HDLBP: variants seen among roughly 807,000 people sequenced by gnomAD.
The protein encoded by HDLBP is high density lipoprotein binding protein.
In HDLBP, 30 loss-of-function variants were observed where a neutral mutation model predicts 137.3. That is an observed-to-expected ratio of 0.22 (90% confidence interval 0.16 to 0.30). The LOEUF is 0.30. Among genes scored for constraint, HDLBP ranks in the 10% least tolerant of loss-of-function variants. The probability of loss-of-function intolerance (pLI) is 1.00; values close to 1 mark genes in which losing one functional copy is unlikely to be tolerated. For missense variants in HDLBP, 1,119 were observed against 1,667.3 expected (o/e 0.67, Z 5.73); for synonymous variants, 606 against 596.0 (o/e 1.02, Z -0.24).
In HDLBP at chr2:241,272,601, G is replaced by C. The variant is rs1190080769; in HGVS notation, c.-102-4060C>G. 5 of 982,466 alleles carry C rather than the reference G, an allele frequency of 5.1e-6. No homozygotes were observed. The highest frequency in any genetic ancestry group is 6.0e-6 in the Non-Finnish European group (5 of 828,314). The allele number at this position is 982,466 out of a possible 1,614,324, so 60.9% of individuals were successfully genotyped here. A position where few individuals can be genotyped will look rare whatever the true frequency, so the allele number is the denominator to read the frequency against. Reference sequence around the variant, plus strand: ...CGCGGTAAGCAGGACACCCGCGGGCGGGGGCCGCAGCCTGGGGCCCGGGTG... The same window carrying C: ...CGCGGTAAGCAGGACACCCGCGGGCCGGGGCCGCAGCCTGGGGCCCGGGTG... On this transcript the variant is annotated intron_variant, in intron 1 of 27. Coordinates refer to ENST00000310931, the MANE Select transcript of HDLBP (RefSeq NM_005336.6). The surrounding 1 kb of genome is among the most constrained non-coding windows in gnomAD (Gnocchi z 5.6).
intron 5 of HDLBP, among the ~76,000 whole-genome samples, chr2:241,261,777 C>A (rs1244804496): frequency 1.3e-5 from 2 of 152,222 alleles, no homozygotes. Flanking sequence ...GGTTAAGTGG[C>A]ACAGCTGGAC....
At chr2:241,253,620 G>C (rs903409981) in intron 9 of HDLBP, 123 bp from the exon 10 acceptor site, 5 of 685,876 alleles carry the variant, frequency 7.3e-6, no homozygotes, top group Non-Finnish European at 1.3e-5. Flanking sequence ...AGATGTGAGG[G>C]AGGGAGGGAC....
chr2:241,291,405 G>C (rs2075009499), intron 1 of HDLBP, among the ~76,000 whole-genome samples: 1 of 152,090 alleles, frequency 6.6e-6, no homozygotes, highest in Non-Finnish European at 1.5e-5. Context: ...AGCCAACTTG[G>C]GTAGAACAAC....
At chr2:241,245,921 CGTCA>C (rs2071633463) in intron 16 of HDLBP, among the ~76,000 whole-genome samples, 1 of 152,146 alleles carries the variant, frequency 6.6e-6, no homozygotes, top group South Asian at 2.1e-4. Flanking sequence ...AGAGAGGTGA[CGTCA>C]GTATTGACAG....
chr2:241,263,786 G>C (rs1015492721), intron 4 of HDLBP, among the ~76,000 whole-genome samples: 1 of 152,128 alleles, frequency 6.6e-6, no homozygotes, highest in Non-Finnish European at 1.5e-5. Flanking sequence ...TAACCTCTTC[G>C]AGAAAGCAGG....
In HDLBP at chr2:241,305,457, T is replaced by A. The variant is rs1205366662; in HGVS notation, c.-103+10113A>T. On this transcript the variant is annotated intron_variant, in intron 1 of 27. Coordinates refer to ENST00000310931, the MANE Select transcript of HDLBP (RefSeq NM_005336.6). ...TCTTTCCAACCAAAAAAACGGGGCC[T>A]GTGATGGCTATACCCTAGAGCCCTT... is the stretch of plus-strand genomic sequence containing the variant. Among the ~76,000 whole-genome samples the A allele has an allele frequency of 1.1e-4, 16 of 152,118 alleles. 1 individual carries two copies. The highest frequency in any genetic ancestry group is 3.6e-4 in the African/African-American group (15 of 41,430).
intron 22 of HDLBP, 65 bp downstream of exon 22, chr2:241,235,425 C>G: frequency 1.4e-6 from 2 of 1,465,632 alleles, no homozygotes; most frequent in Non-Finnish European, 1.9e-6. Context: ...AGAAAGGACA[C>G]TGGCACTCGG....
Position 241,272,531 on chromosome 2 carries a change from G to T in HDLBP, c.-102-3990C>A. On this transcript the variant is annotated intron_variant, in intron 1 of 27. Coordinates refer to ENST00000310931, the MANE Select transcript of HDLBP (RefSeq NM_005336.6). This position sits in a 1 kb window ranked among gnomAD's most constrained non-coding sequence, Gnocchi z 5.6. ...CCCCTCCGCGCCACGGCCACGCGCA[G>T]AAGAGACTCGGAGCCGGCCCCAGGT... 7 of 984,594 alleles carry T rather than the reference G, an allele frequency of 7.1e-6. No homozygotes were observed. The highest frequency in any genetic ancestry group is 4.7e-5 in the South Asian group (1 of 21,278). 61.0% of individuals were successfully genotyped at this position (984,594 alleles called of 1,614,324 possible).
chr2:241,279,065 GA>G (rs979917585), intron 1 of HDLBP, among the ~76,000 whole-genome samples: 72 of 149,008 alleles, frequency 4.8e-4, no homozygotes, highest in East Asian at 2.3e-3. Flanking sequence ...ATCTAATTAA[GA>G]AAAAAAATGT....
rs1198692023 is a variant in HDLBP, at chr2:241,230,314, A to C, written c.3475-45T>G. 1 of 1,141,098 alleles carries C rather than the reference A, an allele frequency of 8.8e-7. No homozygotes were observed. Among genetic ancestry groups the C allele is most frequent in the South Asian group, 1.5e-5 (1 of 68,942 alleles). The allele number at this position is 1,141,098 out of a possible 1,614,324, so 70.7% of individuals were successfully genotyped here. ...TCAGATGAGGGGACTCCAAGCGAGGAAAAGGGTTAAAATTATGTGTCAATT... is the reference window on the plus strand; with the variant it reads ...TCAGATGAGGGGACTCCAAGCGAGGCAAAGGGTTAAAATTATGTGTCAATT... On this transcript the variant is annotated intron_variant, in intron 25 of 27. Coordinates refer to ENST00000310931, the MANE Select transcript of HDLBP (RefSeq NM_005336.6). The surrounding 1 kb of genome is among the most constrained non-coding windows in gnomAD (Gnocchi z 5.0).
intron 11 of HDLBP, chr2:241,251,125 A>C (rs1027146128): frequency 6.6e-6 from 1 of 151,938 alleles, no homozygotes; most frequent in Non-Finnish European, 1.5e-5. Context: ...GGCCTGGCTA[A>C]ATTTTTCTTT....
At chr2:241,254,852 T>C (rs1037334940) in intron 9 of HDLBP, among the ~76,000 whole-genome samples, 199 bp downstream of exon 9, 1 of 152,196 alleles carries the variant, frequency 6.6e-6, no homozygotes, top group African/African-American at 2.4e-5. Flanking sequence ...AGAAGGATGG[T>C]ACAGACATCT....
chr2:241,253,556 G>T, intron 9 of HDLBP, 59 bp from the exon 10 acceptor site: 1 of 1,196,818 alleles, frequency 8.4e-7, no homozygotes, highest in Non-Finnish European at 1.2e-6. Flanking sequence ...CAGCCCCTGA[G>T]CTCCCAGTGG....
intron 17 of HDLBP, among the ~76,000 whole-genome samples, chr2:241,241,640 T>G (rs944005363): frequency 9.5e-5 from 14 of 147,900 alleles, no homozygotes; most frequent in Non-Finnish European, 1.5e-4. Context: ...ATACATGAGC[T>G]TTATTTAGCA....
Position 241,230,796 on chromosome 2 carries a change from C to T in HDLBP, c.3437G>A (p.Arg1146His), listed in dbSNP as rs768699303. ...HRVHARIIGA[R>H]GKAIRKIMDE... ...CATGATTTTGCGAATGGCTTTGCCG[C>T]GGGCACCAATGATGCGGGCGTGAAC... Residue 1146 changes from arginine to histidine, a missense_variant, in exon 25 of 28, where the codon CGC becomes CAC. By Grantham distance (29) the Arg-to-His change is conservative. This residue lies in a region of HDLBP where 618 missense variants were observed against 816.7 expected (regional missense o/e 0.76). Transcript: ENST00000310931. This position sits in a 1 kb window ranked among gnomAD's most constrained non-coding sequence, Gnocchi z 5.0. 1.9e-6 allele frequency: 3 copies of T among 1,614,222 alleles called. No homozygotes were observed. Among genetic ancestry groups the T allele is most frequent in the South Asian group, 2.2e-5 (2 of 91,088 alleles).
At chr2:241,244,439 G>A (rs1404259867) in intron 16 of HDLBP, among the ~76,000 whole-genome samples, 5 of 152,132 alleles carry the variant, frequency 3.3e-5, no homozygotes, top group Admixed American at 6.5e-5. Context: ...AACCCTAACA[G>A]CAGCCAGAGG....
intron 2 of HDLBP, 115 bp from the exon 3 acceptor site, chr2:241,267,021 C>G (rs2073724970): frequency 2.7e-6 from 2 of 738,666 alleles, no homozygotes; most frequent in African/African-American, 1.7e-5. Context: ...CAAACTATAC[C>G]TTTTTATTTT....
chr2:241,275,996 G>C (rs1472005044), intron 1 of HDLBP, among the ~76,000 whole-genome samples: 1 of 152,030 alleles, frequency 6.6e-6, no homozygotes, highest in Non-Finnish European at 1.5e-5. Flanking sequence ...TGAAACAAGT[G>C]GTGACCCTAT....
chr2:241,251,454 G>C (rs1447421377), intron 11 of HDLBP, among the ~76,000 whole-genome samples: 2 of 152,204 alleles, frequency 1.3e-5, no homozygotes, highest in Non-Finnish European at 1.5e-5. Flanking sequence ...CAGCTGCCAA[G>C]GCTATGTTTA....
Sources: allele counts gnomAD v4.1 joint callset (sites outside exome capture counted in the v4.1 genomes callset), GRCh38; gene constraint gnomAD v4.1.1; regional missense constraint gnomAD v4.1.1; non-coding constraint Gnocchi (gnomAD v3.1); transcripts MANE v1.5; gene names NCBI Gene and HGNC (gene_info 2026-07-23, HGNC 2026-07-21).